The following HOXA3 variants were observed in gnomAD, a reference collection of about 807,000 sequenced individuals.
HOXA3 encodes the protein homeobox A3, also known as homeobox protein Hox-A3.
Under a neutral mutation model 30.3 loss-of-function variants are expected in HOXA3, and 8 were observed. The ratio of observed to expected loss-of-function variants is 0.26; its 90% CI spans 0.15 to 0.48. The LOEUF (loss-of-function observed/expected upper bound fraction) is 0.48. HOXA3 is among the 20% of genes least tolerant of loss of function. The pLI, the probability that HOXA3 is intolerant of heterozygous loss-of-function variation, is 0.99. For missense variants in HOXA3, 653 were observed against 614.4 expected (o/e 1.06, Z -0.66); for synonymous variants, 323 against 273.1 (o/e 1.18, Z -1.80).
At position 27,141,525 on chromosome 7, in the gene HOXA3, T is replaced by TG. The variant is rs1184209636; in HGVS notation, c.-493-1340dup. The stretch of plus-strand genomic sequence containing the variant: ...CGAGATTGAAGGGGGACTTTTTGTG[T>TG]GTTTTTTTTTCTCTTTTCTTTTTTT... On this transcript the variant is annotated intron_variant, in intron 1 of 5. Transcript: ENST00000612286. The TG allele has an allele frequency of 2.3e-5, 4 of 173,972 alleles. No individual in the cohort carries two copies. The South Asian group carries it at 2.6e-4, about 11-fold the overall frequency. The allele number at this position is 173,972 out of a possible 1,614,324, so 10.8% of individuals were successfully genotyped here. A position where few individuals can be genotyped will look rare whatever the true frequency, so the allele number is the denominator to read the frequency against.
intron 1 of HOXA3, chr7:27,147,328 T>C (rs781580474): frequency 6.2e-7 from 1 of 1,613,968 alleles, no homozygotes; most frequent in South Asian, 1.1e-5. Context: ...GTTCATCCGC[T>C]GCATCCAAGG....
intron 1 of HOXA3, among the ~76,000 whole-genome samples, chr7:27,142,430 C>A (rs958157870): frequency 2.6e-5 from 4 of 152,186 alleles, no homozygotes; most frequent in Admixed American, 6.5e-5. Context: ...GGAAGCAAGG[C>A]CCTTTCCTGA....
intron 1 of HOXA3, chr7:27,141,637 AAG>A: frequency 1.7e-6 from 1 of 571,954 alleles, no homozygotes; most frequent in Admixed American, 3.5e-5. Flanking sequence ...ATTCAGGACA[AAG>A]AGATGAACAG....
chr7:27,119,168 A>G (rs2128047564), intron 4 of HOXA3, among the ~76,000 whole-genome samples: 1 of 124,784 alleles, frequency 8.0e-6, no homozygotes, highest in Middle Eastern at 4.0e-3. Flanking sequence ...CAAAAAAAAT[A>G]AGAAAAAAAA....
rs922222011 is a variant in HOXA3 at position 27,108,731 on chromosome 7, A to G, written c.527-11T>C. ...CAGCGCAGCTTTCGCCTGCGAGGAC[A>G]GAGAGAGGAAGAGCGGCGTCAGGGG... On this transcript the variant is annotated splice_polypyrimidine_tract_variant and intron_variant, in intron 5 of 5. Coordinates refer to ENST00000612286, the MANE Select transcript of HOXA3 (RefSeq NM_153631.3). This position sits in a 1 kb window ranked among gnomAD's most constrained non-coding sequence, Gnocchi z 5.0. The G allele has an allele frequency of 1.9e-6, 3 of 1,572,588 alleles. No homozygotes were observed. Among genetic ancestry groups the G allele is most frequent in the African/African-American group, 1.4e-5 (1 of 73,842 alleles).
chr7:27,112,426 A>G (rs1311498808), intron 4 of HOXA3, among the ~76,000 whole-genome samples: 1 of 152,230 alleles, frequency 6.6e-6, no homozygotes, highest in Non-Finnish European at 1.5e-5. Context: ...TAAGCCAACA[A>G]TCTTACCAAC....
In HOXA3 at chr7:27,113,205, G is replaced by A. The variant is rs564882838; in HGVS notation, c.-120-2445C>T. ...ATCCCCAGGTGCAAGAGCCGAAAGA[G>A]AGTTGAAGAGGCTAAATTGAGTGCA... is the stretch of plus-strand genomic sequence containing the variant. On this transcript the variant is annotated intron_variant, in intron 4 of 5. Coordinates refer to ENST00000612286, the MANE Select transcript of HOXA3 (RefSeq NM_153631.3). This position sits in a 1 kb window ranked among gnomAD's most constrained non-coding sequence, Gnocchi z 4.8. Among the ~76,000 whole-genome samples the A allele has an allele frequency of 1.3e-5, 2 of 152,356 alleles. No homozygotes were observed. The highest frequency in any genetic ancestry group is 1.3e-4 in the Admixed American group (2 of 15,308).
At chr7:27,129,579 C>T in intron 2 of HOXA3, 1 of 1,610,558 alleles carries the variant, frequency 6.2e-7, no homozygotes, top group Non-Finnish European at 8.5e-7. Context: ...TAACTGAAAA[C>T]CCAGAACCCC....
chr7:27,109,754 T>A (rs1474822306), intron 5 of HOXA3, among the ~76,000 whole-genome samples: 5 of 152,178 alleles, frequency 3.3e-5, no homozygotes, highest in Non-Finnish European at 7.4e-5. Flanking sequence ...AAGGGGAGGA[T>A]GTCACTGTTT....
intron 2 of HOXA3, chr7:27,129,573 T>C (rs1225215136): frequency 6.2e-7 from 1 of 1,611,096 alleles, no homozygotes; most frequent in South Asian, 1.1e-5. Flanking sequence ...TGGGGTTAAC[T>C]GAAAACCCAG....
At position 27,107,043 on chromosome 7, in the gene HOXA3, T is replaced by C. The variant is rs1480041747; in HGVS notation, c.*872A>G. 6.6e-6 allele frequency: 1 copy of C among 152,650 alleles called. No homozygotes were observed. The highest frequency in any genetic ancestry group is 6.5e-5 in the Admixed American group (1 of 15,290). The allele number at this position is 152,650 out of a possible 1,614,324, so 9.5% of individuals were successfully genotyped here. Reference sequence around the variant, plus strand: ...AATAAAAACTTTATTTCTTTTTGTTTCTCAGAATGTGAGCAGCAAGGAATG... The same window carrying C: ...AATAAAAACTTTATTTCTTTTTGTTCCTCAGAATGTGAGCAGCAAGGAATG... On this transcript the variant is annotated 3_prime_UTR_variant, in exon 6 of 6. Coordinates refer to ENST00000612286, the MANE Select transcript of HOXA3 (RefSeq NM_153631.3).
chr7:27,113,525 GA>G lies in HOXA3; in HGVS notation c.-120-2766del, dbSNP rs2128042517. The G allele has an allele frequency of 6.6e-6, 1 of 152,316 alleles. No homozygotes were observed. The highest frequency in any genetic ancestry group is 1.9e-4 in the East Asian group (1 of 5,162). The allele number at this position is 152,316 out of a possible 1,614,324, so 9.4% of individuals were successfully genotyped here. On this transcript the variant is annotated intron_variant, in intron 4 of 5. Coordinates refer to ENST00000612286, the MANE Select transcript of HOXA3 (RefSeq NM_153631.3). This position sits in a 1 kb window ranked among gnomAD's most constrained non-coding sequence, Gnocchi z 4.8. ...TGCCGGGAAGGAAGCTCCGGCTTGT[GA>G]ACTCTTCTTGAACCGAGATTTAAGT... is the stretch of plus-strand genomic sequence containing the variant.
At chr7:27,140,852 C>G (rs1418941736) in intron 1 of HOXA3, among the ~76,000 whole-genome samples, 1 of 152,168 alleles carries the variant, frequency 6.6e-6, no homozygotes, top group Non-Finnish European at 1.5e-5. Flanking sequence ...GGCTTTGGAA[C>G]AGCCTACAGC....
At chr7:27,149,974 G>A (rs1782913488) in intron 1 of HOXA3, 1 of 152,160 alleles carries the variant, frequency 6.6e-6, no homozygotes, top group Non-Finnish European at 1.5e-5. Context: ...TATTTGTCAT[G>A]CCTTGACCAG....
At chr7:27,125,998 G>C (rs190977606) in intron 3 of HOXA3, among the ~76,000 whole-genome samples, 15 of 152,230 alleles carry the variant, frequency 9.9e-5, no homozygotes, top group Non-Finnish European at 4.4e-5. Context: ...GATGCTATGC[G>C]AAGGGACTTC....
At chr7:27,131,138 G>A (rs376069426) in intron 2 of HOXA3, among the ~76,000 whole-genome samples, 166 of 152,302 alleles carry the variant, frequency 1.1e-3, no homozygotes, top group African/African-American at 2.2e-3. Flanking sequence ...GGTCCTCTCG[G>A]GAGCCCTCTG....
At chr7:27,131,050 G>GGGGGAGGGAGCA (rs990573954) in intron 2 of HOXA3, among the ~76,000 whole-genome samples, 4 of 152,132 alleles carry the variant, frequency 2.6e-5, no homozygotes, top group Non-Finnish European at 2.9e-5. Flanking sequence ...CCCCTGGGCT[G>GGGGGAGGGAGCA]GGGGAGGGAG....
At position 27,152,381 on chromosome 7, in the gene HOXA3, G is replaced by A. The variant is rs531385041; in HGVS notation, c.-587C>T. The stretch of plus-strand genomic sequence containing the variant: ...ATTGTCCTCTTTCCTGGTGCCAGAG[G>A]ACGCAGGAAATTAGCCAGGTTGCGA... On this transcript the variant is annotated 5_prime_UTR_variant, in exon 1 of 6. Transcript: ENST00000612286. 10 of 1,189,872 alleles carry A rather than the reference G, an allele frequency of 8.4e-6. No individual in the cohort carries two copies. The African/African-American group carries it at 1.3e-4, about 15-fold the overall frequency. The allele number at this position is 1,189,872 out of a possible 1,614,324, so 73.7% of individuals were successfully genotyped here.
rs997525298 is a variant in HOXA3 at position 27,107,786 on chromosome 7, G to C, written c.*129C>G. 24 of 634,806 alleles carry C rather than the reference G, an allele frequency of 3.8e-5. No homozygotes were observed. The highest frequency in any genetic ancestry group is 2.8e-4 in the African/African-American group (15 of 54,056). The allele number at this position is 634,806 out of a possible 1,614,324, so 39.3% of individuals were successfully genotyped here. A position where few individuals can be genotyped will look rare whatever the true frequency, so the allele number is the denominator to read the frequency against. ...GGGGGAAACCGGGAAACGGAGTGCG[G>C]GGCGGAGAAGAGAGAAAAGGAAGGA... On this transcript the variant is annotated 3_prime_UTR_variant, in exon 6 of 6. Coordinates refer to ENST00000612286, the MANE Select transcript of HOXA3 (RefSeq NM_153631.3).
Sources: gnomAD v4.1 joint callset for allele counts (sites outside exome capture counted in the v4.1 genomes callset) on GRCh38, gnomAD v4.1.1 for gene constraint, Gnocchi (gnomAD v3.1) non-coding constraint, MANE v1.5 for transcripts, NCBI Gene and HGNC (gene_info 2026-07-23, HGNC 2026-07-21) for gene names.